The following ROBO1 variants were observed in gnomAD, a reference collection of about 807,000 sequenced individuals.
The protein encoded by ROBO1 is roundabout guidance receptor 1.
ROBO1 carries 149 observed loss-of-function variants against 195.9 expected under a neutral mutation model. The ratio of observed to expected loss-of-function variants is 0.76; its 90% CI spans 0.67 to 0.87. The LOEUF (loss-of-function observed/expected upper bound fraction) is 0.87, where lower values mean the gene tolerates loss of function less well. Among genes scored for constraint, ROBO1 ranks in the 40% least tolerant of loss-of-function variants. The probability of loss-of-function intolerance (pLI) is 0.00; values close to 1 mark genes in which losing one functional copy is unlikely to be tolerated. For synonymous variants in ROBO1, 816 were observed against 733.2 expected, an observed-to-expected ratio of 1.11 and a Z score of -1.82; for missense variants, 1,933 against 2,068.3, an observed-to-expected ratio of 0.93 and a Z score of 1.27.
rs555544277 is a variant in ROBO1 at position 79,271,112 on chromosome 3, T to A, written c.89-145573A>T. 1.4e-3 allele frequency among the ~76,000 whole-genome samples: 211 copies of A among 152,072 alleles called. 1 individual carries two copies. Among genetic ancestry groups the A allele is most frequent in the African/African-American group, 4.9e-3 (203 of 41,538 alleles). On this transcript the variant is annotated intron_variant, in intron 2 of 30. Transcript: ENST00000464233. ...TTATTATTTAATGGAGGTAGAAAAGTAAGCTGTAAACAGATGTGCTTTCAA... is the reference window on the plus strand; with the variant it reads ...TTATTATTTAATGGAGGTAGAAAAGAAAGCTGTAAACAGATGTGCTTTCAA...
intron 3 of ROBO1, among the ~76,000 whole-genome samples, chr3:79,025,084 A>G (rs1042245927): frequency 2.0e-5 from 3 of 151,894 alleles, no homozygotes; most frequent in Admixed American, 6.6e-5. Context: ...CTCCCCCTAC[A>G]TTTACCTGCT....
chr3:78,676,527 T>C (rs1417872043), intron 10 of ROBO1, among the ~76,000 whole-genome samples: 1 of 152,118 alleles, frequency 6.6e-6, no homozygotes, highest in Non-Finnish European at 1.5e-5. Flanking sequence ...ACGTGAAGAA[T>C]GCAGAAGCCT....
At chr3:79,360,346 A>C (rs1306639814) in intron 2 of ROBO1, among the ~76,000 whole-genome samples, 2 of 152,026 alleles carry the variant, frequency 1.3e-5, no homozygotes, top group Non-Finnish European at 2.9e-5. Flanking sequence ...TCCGTGAATA[A>C]ATTTTCTGAG....
At chr3:79,261,800 A>T (rs544849951) in intron 2 of ROBO1, among the ~76,000 whole-genome samples, 1 of 152,190 alleles carries the variant, frequency 6.6e-6, no homozygotes, top group South Asian at 2.1e-4. Flanking sequence ...AATACTATTT[A>T]ATTTTATCAA....
Position 79,693,117 on chromosome 3 carries a change from G to A in ROBO1, c.-51+74635C>T, listed in dbSNP as rs151144779. The stretch of plus-strand genomic sequence containing the variant: ...CTTGTGTATGGTATACCTGAAAATC[G>A]TTAAAAGAATAGATTTGAAAGGCCC... On this transcript the variant is annotated intron_variant, in intron 1 of 30. Transcript: ENST00000464233. Among the ~76,000 whole-genome samples the A allele has an allele frequency of 2.6e-3, 388 of 151,550 alleles. 1 individual carries two copies. The highest frequency in any genetic ancestry group is 4.4e-3 in the Non-Finnish European group (298 of 67,822).
chr3:79,288,127 C>A (rs906637690), intron 2 of ROBO1, among the ~76,000 whole-genome samples: 1 of 152,108 alleles, frequency 6.6e-6, no homozygotes, highest in African/African-American at 2.4e-5. Context: ...AGCCAATCTT[C>A]CTCCGTTTTC....
intron 28 of ROBO1, among the ~76,000 whole-genome samples, chr3:78,613,343 T>A (rs1203387779): frequency 6.6e-6 from 1 of 152,160 alleles, no homozygotes; most frequent in African/African-American, 2.4e-5. Flanking sequence ...AAAACAGCCA[T>A]AAAACTTGAA....
At chr3:78,743,838 C>T (rs1327776334) in intron 5 of ROBO1, among the ~76,000 whole-genome samples, 2 of 152,070 alleles carry the variant, frequency 1.3e-5, no homozygotes, top group Admixed American at 1.3e-4. Flanking sequence ...TATTTAATTT[C>T]TTTAATTGTC....
chr3:79,186,979 TAA>T (rs970718249), intron 2 of ROBO1, among the ~76,000 whole-genome samples: 7 of 152,112 alleles, frequency 4.6e-5, no homozygotes, highest in African/African-American at 1.7e-4. Context: ...GACATATGTG[TAA>T]AATGGTGAAA....
chr3:79,206,820 G>C (rs1304060979), intron 2 of ROBO1, among the ~76,000 whole-genome samples: 1 of 152,102 alleles, frequency 6.6e-6, no homozygotes, highest in East Asian at 1.9e-4. Context: ...AATTTGTTTT[G>C]AGAAAATAAT....
chr3:79,338,922 C>G (rs1352951534), intron 2 of ROBO1, among the ~76,000 whole-genome samples: 1 of 152,122 alleles, frequency 6.6e-6, no homozygotes, highest in East Asian at 1.9e-4. Flanking sequence ...ATTAAAAAAT[C>G]AAACTTTGAT....
rs566781360 is a variant in ROBO1 at position 79,293,009 on chromosome 3, G to A, written c.89-167470C>T. On this transcript the variant is annotated intron_variant, in intron 2 of 30. Transcript: ENST00000464233. The stretch of plus-strand genomic sequence containing the variant: ...TGGCTGTGAATCCGTCTGGTCCTTC[G>A]CTTTTTTTGGTTGGTAGGCTATTAA... 3.9e-5 allele frequency among the ~76,000 whole-genome samples: 6 copies of A among 152,142 alleles called. 1 individual carries two copies. In the South Asian group the frequency reaches 8.3e-4, roughly 21 times the overall value.
At chr3:79,113,134 G>A (rs1347380286) in intron 3 of ROBO1, among the ~76,000 whole-genome samples, 1 of 152,040 alleles carries the variant, frequency 6.6e-6, no homozygotes, top group Non-Finnish European at 1.5e-5. Flanking sequence ...TTTTCTCTCT[G>A]AGCTTCTTTA....
chr3:79,529,548 A>G (rs915948573), intron 2 of ROBO1, among the ~76,000 whole-genome samples: 3 of 152,238 alleles, frequency 2.0e-5, no homozygotes, highest in Non-Finnish European at 4.4e-5. Flanking sequence ...TAAGTTATTA[A>G]GTAAAATAAG....
intron 1 of ROBO1, among the ~76,000 whole-genome samples, chr3:79,733,118 C>G (rs1424032686): frequency 6.6e-6 from 1 of 152,162 alleles, no homozygotes; most frequent in Admixed American, 6.5e-5. Context: ...TTTTCCATCT[C>G]CAATCGATAA....
chr3:78,714,511 C>T lies in ROBO1; in HGVS notation c.931G>A (p.Asp311Asn). 1.9e-6 allele frequency: 3 copies of T among 1,610,304 alleles called. No homozygotes were observed. The highest frequency in any genetic ancestry group is 2.5e-6 in the Non-Finnish European group (3 of 1,178,452). Reference protein sequence around the residue: ...ELPKSRYEIRDDHTLKIRKVT... With the variant: ...ELPKSRYEIRNDHTLKIRKVT... ...TTCCTAATTTTCAAGGTATGATCAT[C>T]TCGGATTTCATATCTAATGACATAA... Residue 311 changes from aspartate (D) to asparagine (N), a missense_variant, in exon 8 of 31, where the codon GAT (aspartate) becomes AAT (asparagine). Asp to Asn is a conservative substitution (Grantham distance 23, BLOSUM62 1). Coordinates refer to ENST00000464233, the MANE Select transcript of ROBO1 (RefSeq NM_002941.4).
intron 2 of ROBO1, among the ~76,000 whole-genome samples, chr3:79,575,467 TAC>T (rs1345669946): frequency 3.2e-4 from 41 of 126,504 alleles, no homozygotes; most frequent in Non-Finnish European, 5.8e-4. Context: ...ATATAACAAA[TAC>T]ATATATAAAT....
At chr3:79,385,474 G>A (rs1320238341) in intron 2 of ROBO1, among the ~76,000 whole-genome samples, 1 of 152,030 alleles carries the variant, frequency 6.6e-6, no homozygotes, top group East Asian at 1.9e-4. Flanking sequence ...TCATTGTAAT[G>A]TTACACTACT....
At chr3:79,068,855 A>G (rs1026895636) in intron 3 of ROBO1, among the ~76,000 whole-genome samples, 5 of 151,860 alleles carry the variant, frequency 3.3e-5, no homozygotes, top group African/African-American at 1.2e-4. Flanking sequence ...ATCTTCCTCA[A>G]CTTCTGCAGT....
Sources: allele counts gnomAD v4.1 joint callset (sites outside exome capture counted in the v4.1 genomes callset), GRCh38; gene constraint gnomAD v4.1.1; transcripts MANE v1.5; gene names NCBI Gene and HGNC (gene_info 2026-07-23, HGNC 2026-07-21).